The following NOL4 variants were observed in gnomAD, a reference collection of about 807,000 sequenced individuals.
NOL4 encodes nucleolar protein 4, also known as cancer/testis antigen 125.
In NOL4, 17 loss-of-function variants were observed where a neutral mutation model predicts 75.9. The observed-to-expected ratio is 0.22, with a 90% confidence interval of 0.15 to 0.34. The LOEUF (loss-of-function observed/expected upper bound fraction) is 0.34, where lower values mean the gene tolerates loss of function less well. Ranked by LOEUF, NOL4 falls within the 10% of genes least tolerant of loss-of-function variation. The pLI is 1.00. For synonymous variants in NOL4, 292 were observed against 289.9 expected (o/e 1.01, Z -0.07); for missense variants, 614 against 793.5 (o/e 0.77, Z 2.72).
At chr18:33,992,413 G>A (rs1001481605) in intron 6 of NOL4, among the ~76,000 whole-genome samples, 1 of 151,946 alleles carries the variant, frequency 6.6e-6, no homozygotes, top group Admixed American at 6.6e-5. Context: ...CAAAATTGGT[G>A]AAAATTATAA....
intron 9 of NOL4, among the ~76,000 whole-genome samples, chr18:33,918,906 A>G (rs2066877702): frequency 1.3e-5 from 2 of 152,172 alleles, no homozygotes; most frequent in African/African-American, 4.8e-5. Context: ...CAAATAAAAC[A>G]CTTTTGCCAC....
chr18:33,996,633 C>A (rs946884182), intron 6 of NOL4, among the ~76,000 whole-genome samples: 2 of 151,660 alleles, frequency 1.3e-5, no homozygotes, highest in African/African-American at 4.8e-5. Flanking sequence ...GTACCTAATG[C>A]TTAGGGCCCA....
chr18:33,863,878 C>G (rs1345396977), intron 10 of NOL4, among the ~76,000 whole-genome samples: 1 of 152,186 alleles, frequency 6.6e-6, no homozygotes, highest in Non-Finnish European at 1.5e-5. Context: ...GCCTGGATAT[C>G]CAGGTGTTCC....
At chr18:34,152,292 G>A (rs1268491840) in intron 1 of NOL4, among the ~76,000 whole-genome samples, 1 of 151,796 alleles carries the variant, frequency 6.6e-6, no homozygotes, top group East Asian at 1.9e-4. Context: ...ACTTGAAACA[G>A]AAATGTTCAT....
At chr18:33,890,566 T>C (rs1417818498) in intron 9 of NOL4, among the ~76,000 whole-genome samples, 1 of 152,142 alleles carries the variant, frequency 6.6e-6, no homozygotes, top group Admixed American at 6.6e-5. Context: ...TTTTATACTG[T>C]GGTTCTCTAT....
At chr18:33,954,185 C>A (rs137900575) in intron 8 of NOL4, among the ~76,000 whole-genome samples, 248 of 152,226 alleles carry the variant, frequency 1.6e-3, no homozygotes, top group African/African-American at 5.6e-3. Flanking sequence ...AATCTTAATA[C>A]AATGTAAATG....
intron 9 of NOL4, among the ~76,000 whole-genome samples, chr18:33,892,733 C>G (rs1480726800): frequency 6.6e-6 from 1 of 152,064 alleles, no homozygotes; most frequent in Non-Finnish European, 1.5e-5. Flanking sequence ...CCATAGCTCT[C>G]TGCAGTCTCA....
chr18:34,018,529 G>GGTAA (rs1395243087), intron 6 of NOL4, among the ~76,000 whole-genome samples: 10 of 152,086 alleles, frequency 6.6e-5, no homozygotes, highest in African/African-American at 2.4e-4. Context: ...CTGACTTAGA[G>GGTAA]GTAAGGGCTG....
intron 1 of NOL4, among the ~76,000 whole-genome samples, chr18:34,218,569 C>A (rs543684825): frequency 6.6e-6 from 1 of 152,288 alleles, no homozygotes; most frequent in South Asian, 2.1e-4. Context: ...GGGGACTTGT[C>A]ATAGATGATT....
intron 6 of NOL4, among the ~76,000 whole-genome samples, chr18:33,987,521 G>T (rs932297228): frequency 6.6e-6 from 1 of 152,096 alleles, no homozygotes; most frequent in Non-Finnish European, 1.5e-5. Context: ...AGCTGGAAAA[G>T]AATATAATTA....
At chr18:34,071,858 G>A (rs1164764699) in intron 5 of NOL4, among the ~76,000 whole-genome samples, 3 of 152,056 alleles carry the variant, frequency 2.0e-5, no homozygotes, top group African/African-American at 7.2e-5. Flanking sequence ...TGTATATTAC[G>A]CACATAATGA....
intron 1 of NOL4, among the ~76,000 whole-genome samples, chr18:34,216,307 T>C (rs1346632395): frequency 6.6e-6 from 1 of 152,214 alleles, no homozygotes; most frequent in East Asian, 1.9e-4. Flanking sequence ...ACAATATCTA[T>C]AATGTTCTGA....
intron 5 of NOL4, among the ~76,000 whole-genome samples, chr18:34,078,231 G>A (rs1163419030): frequency 6.6e-6 from 1 of 152,116 alleles, no homozygotes; most frequent in Non-Finnish European, 1.5e-5. Flanking sequence ...TTCAGAGGAT[G>A]GTGGTCGTAA....
At chr18:34,049,103 C>T (rs2076520738) in intron 5 of NOL4, among the ~76,000 whole-genome samples, 1 of 143,824 alleles carries the variant, frequency 7.0e-6, no homozygotes, top group African/African-American at 2.5e-5. Context: ...CACACACACA[C>T]ACACACACAC....
chr18:34,218,362 G>T (rs1238518291), intron 1 of NOL4, among the ~76,000 whole-genome samples: 1 of 152,134 alleles, frequency 6.6e-6, no homozygotes, highest in Non-Finnish European at 1.5e-5. Context: ...CCCTATTGTG[G>T]CTACTAATAG....
At chr18:33,969,581 A>G (rs2145857553) in intron 6 of NOL4, among the ~76,000 whole-genome samples, 1 of 152,188 alleles carries the variant, frequency 6.6e-6, no homozygotes, top group South Asian at 2.1e-4. Context: ...TTACTTAACA[A>G]CTGCATGTGA....
At chr18:34,139,191 TA>T (rs1443473201) in intron 1 of NOL4, among the ~76,000 whole-genome samples, 2 of 152,220 alleles carry the variant, frequency 1.3e-5, no homozygotes, top group Non-Finnish European at 2.9e-5. Flanking sequence ...GCTGGTCTCA[TA>T]AAATGAGTTA....
At chr18:34,138,475 C>G (rs1012240356) in intron 1 of NOL4, among the ~76,000 whole-genome samples, 4 of 152,082 alleles carry the variant, frequency 2.6e-5, no homozygotes, top group Non-Finnish European at 4.4e-5. Flanking sequence ...AAAATAAGGA[C>G]TGGCTGTTAA....
At chr18:33,883,114 A>G (rs1411357408) in intron 10 of NOL4, 130 bp downstream of exon 10, 13 of 575,240 alleles carry the variant, frequency 2.3e-5, no homozygotes, top group Non-Finnish European at 3.5e-5. Context: ...CTAGATGATG[A>G]GTTAGTGGGT....
Sources: allele counts gnomAD v4.1 joint callset (sites outside exome capture counted in the v4.1 genomes callset), GRCh38; gene constraint gnomAD v4.1.1; transcripts MANE v1.5; gene names NCBI Gene and HGNC (gene_info 2026-07-23, HGNC 2026-07-21).